The following MAST4 variants were observed in gnomAD, a reference collection of about 807,000 sequenced individuals.
MAST4 encodes the protein microtubule associated serine/threonine kinase family member 4.
In MAST4, 89 loss-of-function variants were observed where a neutral mutation model predicts 162.7. The observed-to-expected ratio is 0.55, with a 90% confidence interval of 0.46 to 0.65. MAST4 has a LOEUF of 0.65. MAST4 is among the 30% of genes least tolerant of loss of function. The probability of loss-of-function intolerance (pLI) is 0.00; values close to 1 mark genes in which losing one functional copy is unlikely to be tolerated. For missense variants in MAST4, 3,153 were observed against 3,374.0 expected (o/e 0.93, Z 1.62); for synonymous variants, 1,479 against 1,361.1 (o/e 1.09, Z -1.91).
chr5:67,113,872 G>A (rs1766559584), intron 11 of MAST4, among the ~76,000 whole-genome samples: 1 of 152,108 alleles, frequency 6.6e-6, no homozygotes, highest in South Asian at 2.1e-4. Flanking sequence ...ATTATCTTTG[G>A]GTTACCATGT....
At chr5:66,687,264 T>C (rs1561262346) in intron 1 of MAST4, among the ~76,000 whole-genome samples, 1 of 152,170 alleles carries the variant, frequency 6.6e-6, no homozygotes, top group Non-Finnish European at 1.5e-5. Flanking sequence ...CCACACTGTC[T>C]GTCATTGCCA....
chr5:66,639,278 TTG>T lies in MAST4; in HGVS notation c.363+42294_363+42295del, dbSNP rs70987132. Among the ~76,000 whole-genome samples the T allele has an allele frequency of 2.3e-3, 322 of 138,530 alleles. 1 individual carries two copies. The highest frequency in any genetic ancestry group is 3.6e-3 in the Middle Eastern group (1 of 274). 90.9% of individuals were successfully genotyped at this position (138,530 alleles called of 152,430 possible). ...GTGTTGATTAGTACTGAGAGGCAGC[TTG>T]TGTGTGTGTGTGTGTGTGTGTGTGT... On this transcript the variant is annotated intron_variant, in intron 1 of 28. Transcript: ENST00000403625.
chr5:66,681,495 T>A (rs1748325402), intron 1 of MAST4, among the ~76,000 whole-genome samples: 1 of 151,996 alleles, frequency 6.6e-6, no homozygotes, highest in South Asian at 2.1e-4. Context: ...CTGGTGGGGG[T>A]GACTCAGCAC....
intron 1 of MAST4, among the ~76,000 whole-genome samples, chr5:66,734,941 A>G (rs1752073161): frequency 6.6e-6 from 1 of 152,198 alleles, no homozygotes; most frequent in African/African-American, 2.4e-5. Flanking sequence ...TTAGCATTCC[A>G]TGCTCCACCC....
At chr5:67,005,193 G>A in intron 4 of MAST4, 2 of 695,034 alleles carry the variant, frequency 2.9e-6, no homozygotes, top group Non-Finnish European at 5.3e-6. Flanking sequence ...TGTATTGGGT[G>A]ACACTTTGAA....
chr5:66,733,944 A>G (rs1019396477), intron 1 of MAST4, among the ~76,000 whole-genome samples: 2 of 152,230 alleles, frequency 1.3e-5, no homozygotes, highest in East Asian at 3.8e-4. Context: ...ATACAGTAAT[A>G]CAAAACCATT....
At chr5:66,669,394 C>T (rs1747468931) in intron 1 of MAST4, among the ~76,000 whole-genome samples, 1 of 152,208 alleles carries the variant, frequency 6.6e-6, no homozygotes, top group Non-Finnish European at 1.5e-5. Context: ...AGTTTCCACA[C>T]AGCTCCTTTT....
At chr5:67,014,216 T>C (rs1405973018) in intron 4 of MAST4, among the ~76,000 whole-genome samples, 1 of 152,148 alleles carries the variant, frequency 6.6e-6, no homozygotes, top group East Asian at 1.9e-4. Context: ...AAAATTAACC[T>C]AGGCTTGCTC....
In MAST4 at chr5:67,162,602, T is replaced by C. The variant is rs758526579; in HGVS notation, c.3786-5T>C. 1 of 1,613,028 alleles carries C rather than the reference T, an allele frequency of 6.2e-7. No homozygotes were observed. Among genetic ancestry groups the C allele is most frequent in the Non-Finnish European group, 8.5e-7 (1 of 1,179,440 alleles). On this transcript the variant is annotated splice_region_variant and splice_polypyrimidine_tract_variant and intron_variant, in intron 27 of 28. Coordinates refer to ENST00000403625, the MANE Select transcript of MAST4 (RefSeq NM_001164664.2). ...ACTGAACAATTTTTTCCTGTTTTTCTGTAGGAGGAGATCTCTTTTCAAAAA... is the reference window on the plus strand; with the variant it reads ...ACTGAACAATTTTTTCCTGTTTTTCCGTAGGAGGAGATCTCTTTTCAAAAA...
chr5:66,964,513 C>T (rs904396957), intron 4 of MAST4, among the ~76,000 whole-genome samples: 2 of 152,158 alleles, frequency 1.3e-5, no homozygotes, highest in Non-Finnish European at 2.9e-5. Flanking sequence ...AAATCCTAAT[C>T]CTATGGGGCT....
At chr5:66,978,171 A>C (rs1748368940) in intron 4 of MAST4, among the ~76,000 whole-genome samples, 1 of 152,252 alleles carries the variant, frequency 6.6e-6, no homozygotes, top group Non-Finnish European at 1.5e-5. Flanking sequence ...CAGAACTAAA[A>C]GCTAAAATCA....
chr5:66,910,022 TCTTGGG>T (rs1212025031), intron 4 of MAST4, among the ~76,000 whole-genome samples: 1 of 152,162 alleles, frequency 6.6e-6, no homozygotes, highest in African/African-American at 2.4e-5. Flanking sequence ...AATTACCCAG[TCTTGGG>T]TATGTCTTTA....
intron 3 of MAST4, among the ~76,000 whole-genome samples, chr5:66,831,385 A>G (rs559074732): frequency 6.6e-6 from 1 of 152,306 alleles, no homozygotes; most frequent in Admixed American, 6.5e-5. Context: ...CCAGCTCTTT[A>G]ACTTAAAGCC....
chr5:66,766,523 T>TC (rs961607796), intron 2 of MAST4, among the ~76,000 whole-genome samples: 5 of 152,088 alleles, frequency 3.3e-5, no homozygotes, highest in Admixed American at 3.3e-4. Context: ...TTAGTGTTTT[T>TC]TTTTTACTTA....
At chr5:66,726,228 T>A (rs1751509429) in intron 1 of MAST4, among the ~76,000 whole-genome samples, 1 of 152,108 alleles carries the variant, frequency 6.6e-6, no homozygotes, top group South Asian at 2.1e-4. Flanking sequence ...GATAAAATCC[T>A]TCTTGCCTAG....
chr5:66,632,291 A>C lies in MAST4; in HGVS notation c.363+35273A>C, dbSNP rs116044152. On this transcript the variant is annotated intron_variant, in intron 1 of 28. Transcript: ENST00000403625. ...TTCTTTTGCAAAGTAACTCTACTGG[A>C]GTGGTAGAAATCTGGGGCTGGCATT... Among the ~76,000 whole-genome samples the C allele has an allele frequency of 8.4e-3, 1,284 of 152,214 alleles. 12 individuals are homozygous for C. Among genetic ancestry groups the C allele is most frequent in the African/African-American group, 0.029 (1,196 of 41,526 alleles).
At position 66,992,902 on chromosome 5, in the gene MAST4, G is replaced by A. The variant is rs142284470; in HGVS notation, c.675-61502G>A. Among the ~76,000 whole-genome samples the A allele has an allele frequency of 4.4e-3, 664 of 152,272 alleles. 3 individuals are homozygous for A. Among genetic ancestry groups the A allele is most frequent in the Admixed American group, 5.9e-3 (90 of 15,296 alleles). ...TGAGCACTGTTGATGTAGCACTCTT[G>A]ATTCTCATCTTTTCTCTGCTATGGC... On this transcript the variant is annotated intron_variant, in intron 4 of 28. Coordinates refer to ENST00000403625, the MANE Select transcript of MAST4 (RefSeq NM_001164664.2).
intron 13 of MAST4, among the ~76,000 whole-genome samples, chr5:67,119,585 A>C (rs1209726181): frequency 6.6e-6 from 1 of 152,188 alleles, no homozygotes; most frequent in African/African-American, 2.4e-5. Context: ...AGATTAAATG[A>C]GATTTTTATG....
intron 1 of MAST4, among the ~76,000 whole-genome samples, chr5:66,627,266 C>T (rs1018531840): frequency 2.6e-5 from 4 of 152,158 alleles, no homozygotes; most frequent in Non-Finnish European, 5.9e-5. Context: ...ACGAGAAAGG[C>T]AGCATGGGGA....
Sources: allele counts gnomAD v4.1 joint callset (sites outside exome capture counted in the v4.1 genomes callset), GRCh38; gene constraint gnomAD v4.1.1; transcripts MANE v1.5; gene names NCBI Gene and HGNC (gene_info 2026-07-23, HGNC 2026-07-21).